The following PDE1C variants were observed in gnomAD, a reference collection of about 807,000 sequenced individuals.
PDE1C encodes phosphodiesterase 1C.
Under a neutral mutation model 93.1 loss-of-function variants are expected in PDE1C, and 62 were observed. The observed-to-expected ratio is 0.67, with a 90% CI of 0.54 to 0.82. The LOEUF is 0.82. Ranked by LOEUF, PDE1C falls within the 40% of genes least tolerant of loss-of-function variation. PDE1C has a pLI of 0.00. For missense variants in PDE1C, 742 were observed against 884.6 expected (o/e 0.84, Z 2.04); for synonymous variants, 325 against 310.1 (o/e 1.05, Z -0.50).
At chr7:32,336,857 T>C (rs949634870) in intron 1 of PDE1C, among the ~76,000 whole-genome samples, 2 of 152,348 alleles carry the variant, frequency 1.3e-5, no homozygotes, top group Admixed American at 1.3e-4. Context: ...AACTGCCTAA[T>C]GCAGTTCTTA....
At chr7:31,961,234 A>G (rs1481740721) in intron 2 of PDE1C, among the ~76,000 whole-genome samples, 1 of 150,570 alleles carries the variant, frequency 6.6e-6, no homozygotes, top group Non-Finnish European at 1.5e-5. Flanking sequence ...TCGTACATGT[A>G]TATGTATATG....
At chr7:32,207,203 C>G (rs1302731780) in intron 2 of PDE1C, among the ~76,000 whole-genome samples, 1 of 152,140 alleles carries the variant, frequency 6.6e-6, no homozygotes, top group Non-Finnish European at 1.5e-5. Flanking sequence ...CTGCTGACCT[C>G]TAGAGGGTCC....
At chr7:32,225,706 A>G (rs1018248295) in intron 1 of PDE1C, among the ~76,000 whole-genome samples, 2 of 152,222 alleles carry the variant, frequency 1.3e-5, no homozygotes, top group Admixed American at 1.3e-4. Context: ...TGCACAGCCA[A>G]TGGAAAGTGA....
the PDE1C span, among the ~76,000 whole-genome samples, chr7:31,680,792 T>C: frequency 1.3e-5 from 2 of 152,038 alleles, no homozygotes; most frequent in Admixed American, 1.3e-4. Flanking sequence ...AAAATACACC[T>C]GGATAGGGCA....
chr7:32,234,305 A>C (rs1807917839), intron 1 of PDE1C, among the ~76,000 whole-genome samples: 1 of 152,014 alleles, frequency 6.6e-6, no homozygotes. Context: ...AAAGAAAACC[A>C]ATCAAACCAC....
chr7:32,367,967 C>G (rs114731491), intron 1 of PDE1C, among the ~76,000 whole-genome samples: 1,893 of 151,770 alleles, frequency 0.012, 33 homozygotes, highest in African/African-American at 0.043. Flanking sequence ...AAATCAACAC[C>G]CCTTCATGAT....
At chr7:31,778,962 C>T (rs1053990202) in intron 16 of PDE1C, among the ~76,000 whole-genome samples, 1 of 152,272 alleles carries the variant, frequency 6.6e-6, no homozygotes, top group South Asian at 2.1e-4. Flanking sequence ...TGCTTCTTAA[C>T]CAACCCATTG....
the PDE1C span, among the ~76,000 whole-genome samples, chr7:31,618,777 G>C: frequency 1.3e-5 from 2 of 152,200 alleles, no homozygotes; most frequent in African/African-American, 2.4e-5. Flanking sequence ...GTTGGCATCA[G>C]GATGAAACCC....
At chr7:32,392,051 GAGA>G (rs1406915643) in intron 1 of PDE1C, among the ~76,000 whole-genome samples, 1 of 151,762 alleles carries the variant, frequency 6.6e-6, no homozygotes, top group Non-Finnish European at 1.5e-5. Flanking sequence ...TTGGTTCTTT[GAGA>G]AGATCAACAA....
intron 2 of PDE1C, among the ~76,000 whole-genome samples, chr7:31,907,346 A>C (rs1399781619): frequency 1.3e-5 from 2 of 152,168 alleles, no homozygotes; most frequent in Non-Finnish European, 2.9e-5. Flanking sequence ...ATTATCACCA[A>C]GAAAAATCAG....
At chr7:32,200,927 G>C (rs1163581604) in intron 2 of PDE1C, among the ~76,000 whole-genome samples, 2 of 152,214 alleles carry the variant, frequency 1.3e-5, no homozygotes, top group Non-Finnish European at 2.9e-5. Context: ...AAGAGTCCGA[G>C]TTAGGCAGAA....
chr7:31,806,816 A>G (rs1786891693), intron 16 of PDE1C, among the ~76,000 whole-genome samples: 1 of 151,892 alleles, frequency 6.6e-6, no homozygotes, highest in Admixed American at 6.6e-5. Context: ...GGGACATTAA[A>G]AATTGTTAAA....
chr7:32,410,063 C>T (rs1447203080), intron 1 of PDE1C, among the ~76,000 whole-genome samples: 1 of 152,078 alleles, frequency 6.6e-6, no homozygotes, highest in South Asian at 2.1e-4. Context: ...AAAACTATTA[C>T]ATATGATTAT....
At chr7:31,995,589 T>TAC in intron 2 of PDE1C, among the ~76,000 whole-genome samples, 1 of 152,204 alleles carries the variant, frequency 6.6e-6, no homozygotes, top group Non-Finnish European at 1.5e-5. Context: ...TTTGTTTGTT[T>TAC]TAGTCTCATT....
chr7:31,775,656 T>G lies in PDE1C; in HGVS notation c.1960+8A>C. The G allele has an allele frequency of 6.2e-7, 1 of 1,611,850 alleles. No homozygotes were observed. Among genetic ancestry groups the G allele is most frequent in the Non-Finnish European group, 8.5e-7 (1 of 1,179,044 alleles). ...CACTAAGATAATGGTGCAATGCTGT[T>G]TACCCACCTGGCAACGTAAGGCGAC... On this transcript the variant is annotated splice_region_variant and intron_variant, in intron 17 of 17. Coordinates refer to ENST00000396191, the MANE Select transcript of PDE1C (RefSeq NM_001191057.4).
chr7:32,254,921 C>T (rs1362333139), intron 1 of PDE1C, among the ~76,000 whole-genome samples: 7 of 152,188 alleles, frequency 4.6e-5, no homozygotes, highest in Admixed American at 3.9e-4. Flanking sequence ...ATGGCTGCCC[C>T]AGAAAGTCCA....
intron 2 of PDE1C, among the ~76,000 whole-genome samples, chr7:32,184,097 GA>G (rs1383381126): frequency 6.6e-6 from 1 of 152,196 alleles, no homozygotes; most frequent in Non-Finnish European, 1.5e-5. Flanking sequence ...ACTACAATGA[GA>G]TACCATCTCA....
intron 17 of PDE1C, among the ~76,000 whole-genome samples, chr7:31,770,102 C>G (rs979929824): frequency 1.6e-4 from 24 of 152,142 alleles, no homozygotes; most frequent in African/African-American, 5.8e-4. Flanking sequence ...ATTATAGCAT[C>G]CTAGTGCATG....
intron 6 of PDE1C, among the ~76,000 whole-genome samples, chr7:31,872,485 C>T (rs970219811): frequency 6.6e-6 from 1 of 152,202 alleles, no homozygotes; most frequent in Admixed American, 6.5e-5. Context: ...AACAAAATAT[C>T]ACATGTACCC....
Sources: allele counts gnomAD v4.1 joint callset (sites outside exome capture counted in the v4.1 genomes callset), GRCh38; gene constraint gnomAD v4.1.1; transcripts MANE v1.5; gene names NCBI Gene and HGNC (gene_info 2026-07-23, HGNC 2026-07-21).